The following ADGRE1 variants were observed in gnomAD, a reference collection of about 807,000 sequenced individuals.
ADGRE1 encodes the protein EGF-like module receptor 1.
A neutral mutation model predicts 102.7 loss-of-function variants in ADGRE1; 82 were observed. That is an observed-to-expected ratio of 0.80 (90% CI 0.67 to 0.96). The LOEUF is 0.96. Among genes scored for constraint, ADGRE1 ranks in the 40% least tolerant of loss-of-function variants. ADGRE1 has a pLI of 0.00. For synonymous variants in ADGRE1, 398 were observed against 399.6 expected (o/e 1.00, Z 0.05); for missense variants, 1,032 against 1,085.3 (o/e 0.95, Z 0.69).
At position 6,893,428 on chromosome 19, in the gene ADGRE1, C is replaced by T. The variant is rs190845331; in HGVS notation, c.94+2885C>T. 4.0e-3 allele frequency among the ~76,000 whole-genome samples: 602 copies of T among 152,190 alleles called. 2 individuals are homozygous for T. The highest frequency in any genetic ancestry group is 0.014 in the African/African-American group (582 of 41,528). On this transcript the variant is annotated intron_variant, in intron 2 of 20. Transcript: ENST00000312053. ...GTTGGTCAGGCTGGTCTCGAACTCC[C>T]GATCTCAGGTGATCTGCCCGCCTTG...
chr19:6,913,839 C>T lies in ADGRE1; in HGVS notation c.1300+9C>T, dbSNP rs1415078465. Reference sequence around the variant, plus strand: ...TCGGACGGAATACTTAGGTAGGAGACACCCTTTGTGGCAAGGTTACACCTA... The same window carrying T: ...TCGGACGGAATACTTAGGTAGGAGATACCCTTTGTGGCAAGGTTACACCTA... On this transcript the variant is annotated intron_variant, in intron 11 of 20. Transcript: ENST00000312053. 4 of 1,567,708 alleles carry T rather than the reference C, an allele frequency of 2.6e-6. No homozygotes were observed. The highest frequency in any genetic ancestry group is 1.7e-6 in the Non-Finnish European group (2 of 1,151,634).
rs540754977 is a variant in ADGRE1 at position 6,890,470 on chromosome 19, T to G, written c.32-11T>G. 3.8e-6 allele frequency: 6 copies of G among 1,575,914 alleles called. No homozygotes were observed. Among genetic ancestry groups the G allele is most frequent in the Non-Finnish European group, 4.3e-6 (5 of 1,168,020 alleles). ...GGTGGTTCATGGTGTTTTTCTTTTC[T>G]TTCTTCACAGGATGTTGTGTTATGC... On this transcript the variant is annotated splice_polypyrimidine_tract_variant and intron_variant, in intron 1 of 20. Transcript: ENST00000312053.
intron 5 of ADGRE1, 165 bp downstream of exon 5, chr19:6,897,712 G>C: frequency 2.9e-6 from 2 of 686,278 alleles, no homozygotes; most frequent in Non-Finnish European, 4.1e-6. Flanking sequence ...CCTTTACTTT[G>C]AGCCTGTGGG....
chr19:6,928,071 A>C (rs1974992388), intron 16 of ADGRE1, 74 bp from the exon 17 acceptor site: 7 of 1,529,012 alleles, frequency 4.6e-6, no homozygotes, highest in African/African-American at 2.8e-5. Context: ...CCACTAGGGC[A>C]TTTGTTGGGA....
chr19:6,911,881 T>C (rs1974206579), intron 10 of ADGRE1, among the ~76,000 whole-genome samples: 1 of 148,766 alleles, frequency 6.7e-6, no homozygotes, highest in Middle Eastern at 3.5e-3. Flanking sequence ...CCCACACACA[T>C]TTACACACAT....
intron 15 of ADGRE1, among the ~76,000 whole-genome samples, chr19:6,925,479 G>A (rs922576738): frequency 6.6e-6 from 1 of 151,984 alleles, no homozygotes; most frequent in African/African-American, 2.4e-5. Context: ...TGTCCCCAGG[G>A]GAGACTTGGC....
rs1173852914 is a variant in ADGRE1 at position 6,924,852 on chromosome 19, A to G, written c.1966A>G (p.Ile656Val). ...LLAKTLFLAG[I>V]HKTDNKMGCA... ...GGCGAAGACTCTCTTCCTCGCCGGT[A>G]TACACAAGACTGACAACAAGGTCTA... Residue 656 changes from isoleucine (I) to valine (V), a missense_variant, in exon 15 of 21, where the codon ATA becomes GTA. Physicochemically the swap from Ile to Val is conservative, Grantham distance 29. Coordinates refer to ENST00000312053, the MANE Select transcript of ADGRE1 (RefSeq NM_001974.5). 2.5e-6 allele frequency: 4 copies of G among 1,613,952 alleles called. No individual in the cohort carries two copies. Among genetic ancestry groups the G allele is most frequent in the Non-Finnish European group, 2.5e-6 (3 of 1,180,018 alleles).
chr19:6,889,617 AG>A (rs1300807081), intron 1 of ADGRE1, among the ~76,000 whole-genome samples: 1 of 132,518 alleles, frequency 7.5e-6, no homozygotes, highest in African/African-American at 2.8e-5. Context: ...TGAACCAGGG[AG>A]TTGGTGGTTG....
intron 8 of ADGRE1, among the ~76,000 whole-genome samples, chr19:6,904,998 A>G (rs1973904320): frequency 1.3e-5 from 2 of 152,032 alleles, no homozygotes; most frequent in African/African-American, 4.8e-5. Flanking sequence ...GGCAGTAGAC[A>G]TATCTGATGA....
intron 10 of ADGRE1, among the ~76,000 whole-genome samples, chr19:6,911,395 T>TTTTTTTC (rs1341415485): frequency 6.9e-6 from 1 of 145,066 alleles, no homozygotes; most frequent in Non-Finnish European, 1.5e-5. Flanking sequence ...GTTTTTTTTT[T>TTTTTTTC]TTTTTTTTTT....
Position 6,906,538 on chromosome 19 carries a change from G to T in ADGRE1, c.1038+17G>T, listed in dbSNP as rs182041796. 3.7e-6 allele frequency: 6 copies of T among 1,607,958 alleles called. No individual in the cohort carries two copies. The East Asian group carries it at 1.3e-4, about 36-fold the overall frequency. ...CCTGCATATGCAAGTATTTTTTAAG[G>T]TTCCTAGTTTTTGAGGTTTTCTTAG... On this transcript the variant is annotated intron_variant, in intron 9 of 20. Transcript: ENST00000312053.
At chr19:6,924,319 C>T (rs527538279) in intron 14 of ADGRE1, among the ~76,000 whole-genome samples, 5 of 152,198 alleles carry the variant, frequency 3.3e-5, no homozygotes, top group Admixed American at 1.3e-4. Context: ...TCCTGTCTGC[C>T]GAAAGCTGAT....
In ADGRE1 at chr19:6,914,433, A is replaced by G. The variant is rs62123082; in HGVS notation, c.1300+603A>G. ...CCACTAAGACTTAGGGTTGTTTGTT[A>G]CTGCTGCAAGACTGATCCTTTCCTG... On this transcript the variant is annotated intron_variant, in intron 11 of 20. Transcript: ENST00000312053. 6.9e-3 allele frequency among the ~76,000 whole-genome samples: 1,053 copies of G among 152,326 alleles called. 6 individuals are homozygous for G. The highest frequency in any genetic ancestry group is 0.012 in the Non-Finnish European group (850 of 68,030).
intron 11 of ADGRE1, among the ~76,000 whole-genome samples, chr19:6,915,520 C>A (rs537027312): frequency 6.6e-6 from 1 of 152,134 alleles, no homozygotes; most frequent in Non-Finnish European, 1.5e-5. Flanking sequence ...GCAGCTAGTG[C>A]GTGGCAGAGC....
chr19:6,924,911 C>A, intron 15 of ADGRE1, 39 bp downstream of exon 15: 1 of 1,601,492 alleles, frequency 6.2e-7, no homozygotes. Flanking sequence ...CAAGCCCCAT[C>A]TTCTCCCCAC....
chr19:6,917,504 G>C (rs12976039), intron 12 of ADGRE1, among the ~76,000 whole-genome samples: 28,749 of 151,946 alleles, frequency 0.19, 2,819 homozygotes, highest in Middle Eastern at 0.31. Flanking sequence ...TTTGGGAGGT[G>C]GAGGTGGGTG....
chr19:6,931,171 A>C (rs939541328), intron 17 of ADGRE1, among the ~76,000 whole-genome samples: 4 of 152,020 alleles, frequency 2.6e-5, no homozygotes, highest in African/African-American at 9.7e-5. Flanking sequence ...CCCACAAAGA[A>C]CTGAGAACAT....
At chr19:6,913,574 T>C in intron 10 of ADGRE1, 79 bp from the exon 11 acceptor site, 2 of 1,381,066 alleles carry the variant, frequency 1.4e-6, no homozygotes, top group Non-Finnish European at 1.9e-6. Flanking sequence ...CCCAGCCTAT[T>C]CTTAATCAGA....
At chr19:6,913,512 C>A in intron 10 of ADGRE1, 141 bp from the exon 11 acceptor site, 1 of 708,486 alleles carries the variant, frequency 1.4e-6, no homozygotes, top group Non-Finnish European at 2.1e-6. Flanking sequence ...CTTCTTGAAT[C>A]AGAAAAAGGA....
Sources: gnomAD v4.1 joint callset for allele counts (sites outside exome capture counted in the v4.1 genomes callset) on GRCh38, gnomAD v4.1.1 for gene constraint, MANE v1.5 for transcripts, NCBI Gene and HGNC (gene_info 2026-07-23, HGNC 2026-07-21) for gene names.